TOP2B: variants seen among roughly 807,000 people sequenced by gnomAD.
The protein encoded by TOP2B is DNA topoisomerase 2-beta.
Under a neutral mutation model 193.5 loss-of-function variants are expected in TOP2B, and 51 were observed. The ratio of observed to expected loss-of-function variants is 0.26; its 90% CI spans 0.21 to 0.33. The LOEUF (loss-of-function observed/expected upper bound fraction) is 0.33. Among genes scored for constraint, TOP2B ranks in the 10% least tolerant of loss-of-function variants. The pLI, the probability that TOP2B is intolerant of heterozygous loss-of-function variation, is 1.00. For missense variants in TOP2B, 1,378 were observed against 1,909.3 expected, an observed-to-expected ratio of 0.72 and a Z score of 5.19; for synonymous variants, 634 against 635.7, an observed-to-expected ratio of 1.00 and a Z score of 0.04.
At chr3:25,640,604 G>A (rs1004093298) in intron 4 of TOP2B, among the ~76,000 whole-genome samples, 2 of 152,092 alleles carry the variant, frequency 1.3e-5, no homozygotes, top group Admixed American at 6.5e-5. Context: ...TAAAAACAGA[G>A]TATAAAATGA....
At chr3:25,649,757 G>A (rs1336456086) in intron 1 of TOP2B, among the ~76,000 whole-genome samples, 1 of 152,034 alleles carries the variant, frequency 6.6e-6, no homozygotes, top group Non-Finnish European at 1.5e-5. Flanking sequence ...ATGATAAAGG[G>A]AGTCCCTTAA....
chr3:25,649,623 A>G (rs1454819364), intron 1 of TOP2B, among the ~76,000 whole-genome samples: 2 of 151,732 alleles, frequency 1.3e-5, no homozygotes, highest in African/African-American at 4.8e-5. Context: ...AAAAAAAAAA[A>G]CACTGCCAAC....
intron 1 of TOP2B, among the ~76,000 whole-genome samples, chr3:25,649,472 AAGAG>A (rs1240727144): frequency 1.5e-4 from 23 of 152,158 alleles, no homozygotes; most frequent in African/African-American, 4.3e-4. Flanking sequence ...GTCATAGACA[AAGAG>A]AGAATCTTAA....
At chr3:25,656,312 T>C (rs1355053145) in intron 1 of TOP2B, among the ~76,000 whole-genome samples, 1 of 152,092 alleles carries the variant, frequency 6.6e-6, no homozygotes, top group Admixed American at 6.5e-5. Context: ...AAACAACTTA[T>C]AAAACCTAGG....
chr3:25,612,788 C>G, intron 27 of TOP2B, 79 bp from the exon 28 acceptor site: 1 of 1,055,592 alleles, frequency 9.5e-7, no homozygotes, highest in Non-Finnish European at 1.4e-6. Flanking sequence ...AATACTGAAA[C>G]AAATGTTATT....
rs761070857 is a variant in TOP2B at position 25,618,604 on chromosome 3, T to TA, written c.3259+49_3259+50insT. The TA allele has an allele frequency of 1.9e-5, 28 of 1,461,064 alleles. No individual in the cohort carries two copies. The African/African-American group carries it at 6.2e-4, about 32-fold the overall frequency. The allele number at this position is 1,461,064 out of a possible 1,614,324, so 90.5% of individuals were successfully genotyped here. A position where few individuals can be genotyped will look rare whatever the true frequency, so the allele number is the denominator to read the frequency against. On this transcript the variant is annotated intron_variant, in intron 24 of 35. Transcript: ENST00000264331. ...ATAAAAATGTCTTCTATTAATAAAGTTTTTTTTCCATTTTAACTAATGTTC... is the reference window on the plus strand; with the variant it reads ...ATAAAAATGTCTTCTATTAATAAAGTATTTTTTTCCATTTTAACTAATGTTC...
intron 1 of TOP2B, among the ~76,000 whole-genome samples, chr3:25,655,356 G>A (rs1267338085): frequency 6.6e-6 from 1 of 152,062 alleles, no homozygotes; most frequent in Non-Finnish European, 1.5e-5. Context: ...CACCTATTAA[G>A]ACAGCCATCA....
intron 3 of TOP2B, 41 bp from the exon 4 acceptor site, chr3:25,642,426 TATAA>T: frequency 1.6e-6 from 2 of 1,273,454 alleles, no homozygotes; most frequent in South Asian, 2.7e-5. Flanking sequence ...TACAAAATTA[TATAA>T]ATAAATACAT....
At chr3:25,603,166 T>C (rs1034563503) in intron 33 of TOP2B, among the ~76,000 whole-genome samples, 1 of 152,174 alleles carries the variant, frequency 6.6e-6, no homozygotes, top group African/African-American at 2.4e-5. Flanking sequence ...CAGGAAGTAA[T>C]ACGGCTCCCA....
chr3:25,661,269 G>A (rs936437688), intron 1 of TOP2B, among the ~76,000 whole-genome samples: 19 of 152,184 alleles, frequency 1.2e-4, no homozygotes, highest in African/African-American at 4.3e-4. Flanking sequence ...AAAGTTCTGG[G>A]ATTACAGGCG....
chr3:25,616,670 A>G (rs1461334087), intron 25 of TOP2B, among the ~76,000 whole-genome samples: 2 of 151,934 alleles, frequency 1.3e-5, no homozygotes, highest in East Asian at 3.8e-4. Context: ...AAAATTCTTC[A>G]TGAAACAGCT....
intron 1 of TOP2B, among the ~76,000 whole-genome samples, chr3:25,648,824 T>C (rs1204391311): frequency 6.6e-6 from 1 of 152,164 alleles, no homozygotes; most frequent in Non-Finnish European, 1.5e-5. Flanking sequence ...TGCACACAAC[T>C]GTACTCCAGC....
chr3:25,602,943 G>T (rs1049744869), intron 33 of TOP2B, among the ~76,000 whole-genome samples: 1 of 152,092 alleles, frequency 6.6e-6, no homozygotes, highest in African/African-American at 2.4e-5. Context: ...ATTATATTTC[G>T]TAAGGGAGGC....
chr3:25,654,093 G>T (rs192871653), intron 1 of TOP2B, among the ~76,000 whole-genome samples: 2 of 152,116 alleles, frequency 1.3e-5, no homozygotes, highest in Admixed American at 6.6e-5. Flanking sequence ...GATAGTATTA[G>T]AAGTCCTAGT....
At chr3:25,623,472 A>T in intron 21 of TOP2B, 43 bp downstream of exon 21, 1 of 1,537,690 alleles carries the variant, frequency 6.5e-7, no homozygotes, top group East Asian at 2.3e-5. Context: ...TGTAGTTTAC[A>T]CATTATCATT....
At chr3:25,611,558 C>A (rs1350201278) in intron 28 of TOP2B, among the ~76,000 whole-genome samples, 1 of 152,202 alleles carries the variant, frequency 6.6e-6, no homozygotes, top group African/African-American at 2.4e-5. Context: ...AAAAATCAAC[C>A]TGTCCAAAAA....
chr3:25,619,283 G>A (rs1702593810), intron 23 of TOP2B, among the ~76,000 whole-genome samples: 1 of 151,930 alleles, frequency 6.6e-6, no homozygotes, highest in African/African-American at 2.4e-5. Flanking sequence ...ATTTACTTGT[G>A]CTATAATCCA....
chr3:25,632,809 A>C lies in TOP2B; in HGVS notation c.1027-15T>G. 6.3e-7 allele frequency: 1 copy of C among 1,596,972 alleles called. No homozygotes were observed. Among genetic ancestry groups the C allele is most frequent in the Non-Finnish European group, 8.6e-7 (1 of 1,166,972 alleles). ...TGCCGTCCACCCTAAAGAAAAAAAA[A>C]TATATGAAATCTGAAATCCTGTATT... On this transcript the variant is annotated splice_polypyrimidine_tract_variant and intron_variant, in intron 8 of 35. Transcript: ENST00000264331.
chr3:25,657,020 G>C (rs1186687924), intron 1 of TOP2B, among the ~76,000 whole-genome samples: 3 of 152,166 alleles, frequency 2.0e-5, no homozygotes, highest in African/African-American at 7.2e-5. Context: ...AAATAAGATT[G>C]GCAGCCTTGG....
Sources: gnomAD v4.1 joint callset for allele counts (sites outside exome capture counted in the v4.1 genomes callset) on GRCh38, gnomAD v4.1.1 for gene constraint, MANE v1.5 for transcripts, NCBI Gene and HGNC (gene_info 2026-07-23, HGNC 2026-07-21) for gene names.